ALG6: variants seen among roughly 807,000 people sequenced by gnomAD.
ALG6 encodes the protein dolichyl pyrophosphate Man9GlcNAc2 alpha-1,3-glucosyltransferase.
In ALG6, 46 loss-of-function variants were observed where a neutral mutation model predicts 66.6. That is an observed-to-expected ratio of 0.69 (90% CI 0.55 to 0.88). The LOEUF (loss-of-function observed/expected upper bound fraction) is 0.88. Among genes scored for constraint, ALG6 ranks in the 40% least tolerant of loss-of-function variants. The probability of loss-of-function intolerance (pLI) is 0.00; values close to 1 mark genes in which losing one functional copy is unlikely to be tolerated. For missense variants in ALG6, 505 were observed against 586.8 expected (o/e 0.86, Z 1.44); for synonymous variants, 185 against 203.7 (o/e 0.91, Z 0.78).
At chr1:63,382,679 G>GTTTTTTTTTTT (rs59573321) in intron 2 of ALG6, among the ~76,000 whole-genome samples, 1 of 19,768 alleles carries the variant, frequency 5.1e-5, no homozygotes, top group Non-Finnish European at 9.8e-5. Flanking sequence ...TTTTTTTTTT[G>GTTTTTTTTTTT]TTTTTTTTTT....
intron 1 of ALG6, among the ~76,000 whole-genome samples, chr1:63,369,134 G>A (rs1647826477): frequency 6.6e-6 from 1 of 152,184 alleles, no homozygotes; most frequent in East Asian, 1.9e-4. Context: ...ACCATGTCAT[G>A]TGAAAATACA....
intron 12 of ALG6, among the ~76,000 whole-genome samples, chr1:63,424,211 G>T (rs1644603110): frequency 6.6e-6 from 1 of 152,150 alleles, no homozygotes; most frequent in African/African-American, 2.4e-5. Flanking sequence ...CACGGTCTCA[G>T]CTCACTGCAA....
At chr1:63,369,536 A>T (rs77603254) in intron 1 of ALG6, among the ~76,000 whole-genome samples, 4 of 151,754 alleles carry the variant, frequency 2.6e-5, no homozygotes, top group Non-Finnish European at 4.4e-5. Context: ...GGCTGAGGGA[A>T]GACAATCGCT....
rs1177903554 is a variant in ALG6 at position 63,436,654 on chromosome 1, A to AAAC, written c.1327-168_1327-166dup. Among the ~76,000 whole-genome samples, 12 of 152,246 alleles carry AAAC rather than the reference A, an allele frequency of 7.9e-5. No homozygotes were observed. In the East Asian group the frequency reaches 1.3e-3, roughly 17 times the overall value. ...TGTGATGTGGGCATTGAGATTTTAA[A>AAAC]AACTCCTCATATGATTCTAATAGGA... On this transcript the variant is annotated intron_variant, in intron 14 of 14. Coordinates refer to ENST00000263440, the MANE Select transcript of ALG6 (RefSeq NM_013339.4).
At chr1:63,368,850 G>A (rs6694198) in intron 1 of ALG6, among the ~76,000 whole-genome samples, 64,329 of 151,478 alleles carry the variant, frequency 0.42, 13,759 homozygotes, top group East Asian at 0.62. Context: ...AATACTGTAC[G>A]CAAATTATAA....
At chr1:63,388,884 T>TA (rs1474904860) in intron 2 of ALG6, among the ~76,000 whole-genome samples, 3 of 152,194 alleles carry the variant, frequency 2.0e-5, no homozygotes, top group Non-Finnish European at 2.9e-5. Flanking sequence ...GTACTTTAAA[T>TA]ATGTTGTGCC....
intron 12 of ALG6, among the ~76,000 whole-genome samples, chr1:63,420,064 C>A (rs935091000): frequency 1.3e-5 from 2 of 152,188 alleles, no homozygotes; most frequent in African/African-American, 4.8e-5. Context: ...CTCTACCCCT[C>A]ACCCTATGTT....
intron 14 of ALG6, chr1:63,429,887 T>G (rs12745555): frequency 4.3e-4 from 37 of 85,774 alleles, no homozygotes; most frequent in South Asian, 8.6e-4. Context: ...GTGTGTGTAT[T>G]TATTTATTTT....
At chr1:63,425,092 A>G (rs11208213) in intron 12 of ALG6, among the ~76,000 whole-genome samples, 24,435 of 152,046 alleles carry the variant, frequency 0.16, 2,325 homozygotes, top group South Asian at 0.22. Context: ...GTTTTTATAT[A>G]TGGTGTGAGG....
chr1:63,430,891 A>G (rs1644642199), intron 14 of ALG6, among the ~76,000 whole-genome samples: 1 of 152,276 alleles, frequency 6.6e-6, no homozygotes, highest in South Asian at 2.1e-4. Flanking sequence ...TTTGATTTTG[A>G]TAACATCCAG....
intron 2 of ALG6, among the ~76,000 whole-genome samples, chr1:63,375,132 C>T (rs1459597217): frequency 3.9e-5 from 6 of 151,932 alleles, no homozygotes; most frequent in Admixed American, 6.6e-5. Context: ...ACCCGGGAGG[C>T]GGAGGTTGCA....
intron 2 of ALG6, among the ~76,000 whole-genome samples, chr1:63,386,212 T>G (rs986488875): frequency 2.6e-5 from 4 of 152,336 alleles, no homozygotes; most frequent in African/African-American, 9.6e-5. Context: ...TGATTACAGT[T>G]TGCTAGTATT....
intron 12 of ALG6, among the ~76,000 whole-genome samples, chr1:63,427,513 T>A (rs1168818673): frequency 1.3e-5 from 2 of 152,120 alleles, no homozygotes; most frequent in Admixed American, 6.6e-5. Flanking sequence ...TATTGTATTT[T>A]AAAAAAGTAA....
rs374336458 is a variant in ALG6 at position 63,411,269 on chromosome 1, C to T, written c.618C>T (p.His206=). 81 of 1,613,890 alleles carry T rather than the reference C, an allele frequency of 5.0e-5. No individual in the cohort carries two copies. The South Asian group carries it at 6.7e-4, about 13-fold the overall frequency. ...AINYKQMELY[H]ALPFFCFLLG... ...ATTATAAACAGATGGAACTTTACCA[C>T]GCCTTGCCATTTTTTTGCTTTTTAC... The change falls in exon 8 of 15, where the codon CAC becomes CAT. Residue 206 remains histidine, a synonymous_variant. Coordinates refer to ENST00000263440, the MANE Select transcript of ALG6 (RefSeq NM_013339.4).
chr1:63,408,665 A>G (rs1255354263), intron 7 of ALG6, among the ~76,000 whole-genome samples: 2 of 152,192 alleles, frequency 1.3e-5, no homozygotes, highest in African/African-American at 4.8e-5. Context: ...ATCTTGACCA[A>G]CTGTCAATGG....
Position 63,400,282 on chromosome 1 carries a change from C to T in ALG6, c.168-1972C>T, listed in dbSNP as rs12409219. Among the ~76,000 whole-genome samples, 18 of 12,600 alleles carry T rather than the reference C, an allele frequency of 1.4e-3. 3 individuals are homozygous for T. Among genetic ancestry groups the T allele is most frequent in the African/African-American group, 7.0e-3 (17 of 2,442 alleles). The allele number at this position is 12,600 out of a possible 152,430, so 8.3% of individuals were successfully genotyped here. A position where few individuals can be genotyped will look rare whatever the true frequency, so the allele number is the denominator to read the frequency against. The stretch of plus-strand genomic sequence containing the variant: ...ATATATATATACGTATATATATATA[C>T]GTATATATATATACGTATATATATG... On this transcript the variant is annotated intron_variant, in intron 3 of 14. Coordinates refer to ENST00000263440, the MANE Select transcript of ALG6 (RefSeq NM_013339.4).
At chr1:63,414,966 C>T (rs763180757) in intron 10 of ALG6, among the ~76,000 whole-genome samples, 13 of 152,106 alleles carry the variant, frequency 8.5e-5, no homozygotes, top group Admixed American at 1.3e-4. Context: ...TTAAGTTAGG[C>T]GCCTCAGGAC....
rs1430184954 is a variant in ALG6, at chr1:63,437,950, A to T, written c.*930A>T. ...TTTATTATAGTATTCAACTGGTAAAAATAATACATGATATCCATGTTGCAG... is the reference window on the plus strand; with the variant it reads ...TTTATTATAGTATTCAACTGGTAAATATAATACATGATATCCATGTTGCAG... On this transcript the variant is annotated 3_prime_UTR_variant, in exon 15 of 15. Coordinates refer to ENST00000263440, the MANE Select transcript of ALG6 (RefSeq NM_013339.4). 6.6e-6 allele frequency: 1 copy of T among 152,138 alleles called. No individual in the cohort carries two copies. Among genetic ancestry groups the T allele is most frequent in the Non-Finnish European group, 1.5e-5 (1 of 68,030 alleles). 9.4% of individuals were successfully genotyped at this position (152,138 alleles called of 1,614,324 possible).
In ALG6 at chr1:63,396,566, G is replaced by T. The variant is rs1260973999; in HGVS notation, c.136G>T (p.Glu46Ter). ...TTATGAAGCTCAGAGACACTGGCAA[G>T]AAATAACTTTTAATTTACCGGTCAA... Reference protein sequence around the residue: ...GDYEAQRHWQEITFNLPVKQW... With the variant: ...GDYEAQRHWQ The change falls in exon 3 of 15, where the codon GAA (glutamate) becomes TAA (stop). Residue 46 changes from glutamate (E) to a stop codon, truncating the protein, a stop_gained. Coordinates refer to ENST00000263440, the MANE Select transcript of ALG6 (RefSeq NM_013339.4). LOFTEE classifies it high-confidence loss of function. 2 of 1,614,046 alleles carry T rather than the reference G, an allele frequency of 1.2e-6. No individual in the cohort carries two copies. Among genetic ancestry groups the T allele is most frequent in the Non-Finnish European group, 1.7e-6 (2 of 1,179,970 alleles).
Sources: allele counts gnomAD v4.1 joint callset (sites outside exome capture counted in the v4.1 genomes callset), GRCh38; gene constraint gnomAD v4.1.1; transcripts MANE v1.5; gene names NCBI Gene and HGNC (gene_info 2026-07-23, HGNC 2026-07-21).